Variants in CDK12 observed in about 807,000 individuals in gnomAD.
CDK12 encodes the protein cyclin dependent kinase 12.
A neutral mutation model predicts 133.8 loss-of-function variants in CDK12; 17 were observed. That is an observed-to-expected ratio of 0.13 (90% CI 0.09 to 0.19). The LOEUF is 0.19. CDK12 is among the 10% of genes least tolerant of loss of function. CDK12 has a pLI of 1.00. For synonymous variants in CDK12, 694 were observed against 683.6 expected (o/e 1.02, Z -0.24); for missense variants, 1,508 against 1,818.7 (o/e 0.83, Z 3.11).
rs972068046 is a variant in CDK12 at position 39,512,765 on chromosome 17, A to T, written c.2768+1135A>T. ...TGAACTCAGGTCTAAATAATATAGAAAAGGTAGGATAAAAGTTAATTCTTT... is the reference window on the plus strand; with the variant it reads ...TGAACTCAGGTCTAAATAATATAGATAAGGTAGGATAAAAGTTAATTCTTT... On this transcript the variant is annotated intron_variant, in intron 8 of 13. Transcript: ENST00000447079. Among the ~76,000 whole-genome samples, 19 of 152,236 alleles carry T rather than the reference A, an allele frequency of 1.2e-4. 1 individual carries two copies. Among genetic ancestry groups the T allele is most frequent in the Admixed American group, 1.2e-3 (19 of 15,286 alleles).
chr17:39,510,049 G>T (rs768351260), intron 7 of CDK12, among the ~76,000 whole-genome samples: 7 of 151,242 alleles, frequency 4.6e-5, no homozygotes, highest in Middle Eastern at 6.9e-3. Context: ...CTGTCTACCT[G>T]CCTCAGCCTC....
intron 2 of CDK12, among the ~76,000 whole-genome samples, chr17:39,475,770 C>A (rs1247191225): frequency 2.0e-5 from 3 of 151,864 alleles, no homozygotes; most frequent in African/African-American, 7.3e-5. Flanking sequence ...TGGTCTCGAA[C>A]TCCTGACCTC....
intron 3 of CDK12, among the ~76,000 whole-genome samples, chr17:39,560,945 T>TCACTCA: frequency 6.6e-6 from 1 of 151,570 alleles, no homozygotes; most frequent in South Asian, 2.1e-4. Context: ...CACCAGGGGG[T>TCACTCA]GGAGGCTGCA....
chr17:39,546,309 A>G (rs1424173388), upstream of CDK12: 1 of 149,358 alleles, frequency 6.7e-6, no homozygotes, highest in East Asian at 2.0e-4. Flanking sequence ...CCTCCTCAGT[A>G]GCTGGGATTA....
intron 13 of CDK12, among the ~76,000 whole-genome samples, chr17:39,527,217 G>A (rs2054548208): frequency 6.6e-6 from 1 of 152,210 alleles, no homozygotes; most frequent in Non-Finnish European, 1.5e-5. Flanking sequence ...CATATGAGGT[G>A]GTGCAGAAAG....
intron 6 of CDK12, among the ~76,000 whole-genome samples, chr17:39,507,947 A>G (rs780886272): frequency 6.6e-6 from 1 of 152,186 alleles, no homozygotes; most frequent in South Asian, 2.1e-4. Context: ...GTTTGTTGCT[A>G]GTAGTTACCT....
intron 6 of CDK12, among the ~76,000 whole-genome samples, chr17:39,505,501 GT>G (rs1419245061): frequency 1.5e-5 from 2 of 135,370 alleles, no homozygotes; most frequent in Non-Finnish European, 3.1e-5. Flanking sequence ...CTCCAGCCTG[GT>G]GACAGAGCGA....
chr17:39,503,363 GCGCC>G (rs772402867), intron 6 of CDK12, among the ~76,000 whole-genome samples: 13 of 152,274 alleles, frequency 8.5e-5, no homozygotes, highest in East Asian at 5.8e-4. Flanking sequence ...GTGAGCCACT[GCGCC>G]CGGCCAAAAG....
intron 6 of CDK12, among the ~76,000 whole-genome samples, chr17:39,505,518 C>T (rs1469126298): frequency 1.1e-4 from 10 of 87,312 alleles, no homozygotes; most frequent in African/African-American, 1.3e-4. Flanking sequence ...AGCGAGACTC[C>T]GTCTCAAAAA....
At chr17:39,494,432 G>A (rs1477761037) in intron 4 of CDK12, 92 bp from the exon 5 acceptor site, 3 of 1,047,232 alleles carry the variant, frequency 2.9e-6, no homozygotes, top group Non-Finnish European at 4.3e-6. Flanking sequence ...TAAGCACTAA[G>A]TTTGTCTTCC....
chr17:39,529,156 C>T (rs2054673965), intron 13 of CDK12, among the ~76,000 whole-genome samples: 1 of 152,124 alleles, frequency 6.6e-6, no homozygotes, highest in Non-Finnish European at 1.5e-5. Context: ...ACATTGACAA[C>T]CTGGAAAACC....
chr17:39,491,533 G>A (rs1185659281), intron 3 of CDK12, among the ~76,000 whole-genome samples: 1 of 152,010 alleles, frequency 6.6e-6, no homozygotes, highest in Non-Finnish European at 1.5e-5. Context: ...ACCGCGTCCG[G>A]CCTTATATTT....
At chr17:39,474,675 C>T (rs1310196908) in intron 2 of CDK12, among the ~76,000 whole-genome samples, 1 of 151,372 alleles carries the variant, frequency 6.6e-6, no homozygotes, top group Non-Finnish European at 1.5e-5. Flanking sequence ...TATGTTTTTT[C>T]GTACCCTCTG....
intron 8 of CDK12, among the ~76,000 whole-genome samples, chr17:39,514,439 A>G (rs1460340557): frequency 6.6e-6 from 1 of 152,196 alleles, no homozygotes; most frequent in African/African-American, 2.4e-5. Flanking sequence ...AGACAGATTC[A>G]TCGACCTTTT....
intron 3 of CDK12, among the ~76,000 whole-genome samples, chr17:39,563,257 G>C (rs2056447177): frequency 6.6e-6 from 1 of 152,052 alleles, no homozygotes; most frequent in African/African-American, 2.4e-5. Context: ...TTGGCTGGGA[G>C]AGTGTGTGTG....
chr17:39,563,909 A>G (rs1259914659), intron 3 of CDK12, among the ~76,000 whole-genome samples: 1 of 152,118 alleles, frequency 6.6e-6, no homozygotes, highest in East Asian at 1.9e-4. Flanking sequence ...CTTATACTTG[A>G]CATACGTTAA....
Position 39,471,766 on chromosome 17 carries a change from A to G in CDK12, c.1931+3A>G. ...CCTGGAGATGATGACATGGATAGGT[A>G]AGTCCTATAGTGAACTGGAAAAAAC... On this transcript the variant is annotated splice_donor_region_variant and intron_variant, in intron 2 of 13. Coordinates refer to ENST00000447079, the MANE Select transcript of CDK12 (RefSeq NM_016507.4). The G allele has an allele frequency of 6.2e-7, 1 of 1,607,768 alleles. No individual in the cohort carries two copies. Among genetic ancestry groups the G allele is most frequent in the South Asian group, 1.1e-5 (1 of 90,064 alleles).
At chr17:39,496,827 A>G (rs1178003085) in intron 5 of CDK12, among the ~76,000 whole-genome samples, 10 of 151,292 alleles carry the variant, frequency 6.6e-5, no homozygotes, top group Admixed American at 6.6e-4. Flanking sequence ...ATGGATTTTC[A>G]TATTTAATGT....
rs73302552 is a variant in CDK12 at position 39,533,519 on chromosome 17, T to G, written c.*2203T>G. The G allele has an allele frequency of 0.028, 6,449 of 233,246 alleles. 162 individuals are homozygous for G. Among genetic ancestry groups the G allele is most frequent in the African/African-American group, 0.073 (3,315 of 45,452 alleles). 14.4% of individuals were successfully genotyped at this position (233,246 alleles called of 1,614,324 possible). A position where few individuals can be genotyped will look rare whatever the true frequency, so the allele number is the denominator to read the frequency against. On this transcript the variant is annotated 3_prime_UTR_variant, in exon 14 of 14. Transcript: ENST00000447079. ...GAAAAAAAGTTGGTTTCCCATCAAATATGAATAAAATTCTCTATATATTTC... is the reference window on the plus strand; with the variant it reads ...GAAAAAAAGTTGGTTTCCCATCAAAGATGAATAAAATTCTCTATATATTTC...
Sources: gnomAD v4.1 joint callset for allele counts (sites outside exome capture counted in the v4.1 genomes callset) on GRCh38, gnomAD v4.1.1 for gene constraint, MANE v1.5 for transcripts, NCBI Gene and HGNC (gene_info 2026-07-23, HGNC 2026-07-21) for gene names.